Variants in NRG3 observed in about 807,000 individuals in gnomAD.
The protein encoded by NRG3 is neuregulin 3.
Under a neutral mutation model 66.9 loss-of-function variants are expected in NRG3, and 31 were observed. The observed-to-expected ratio is 0.46, with a 90% CI of 0.35 to 0.63. The LOEUF is 0.63. Ranked by LOEUF, NRG3 falls within the 20% of genes least tolerant of loss-of-function variation. The probability of loss-of-function intolerance (pLI) is 0.00; values close to 1 mark genes in which losing one functional copy is unlikely to be tolerated. For missense variants in NRG3, 910 were observed against 878.9 expected, an observed-to-expected ratio of 1.04 and a Z score of -0.45; for synonymous variants, 393 against 359.4, an observed-to-expected ratio of 1.09 and a Z score of -1.06.
chr10:82,119,066 G>A (rs2067910446), intron 1 of NRG3, among the ~76,000 whole-genome samples: 2 of 152,250 alleles, frequency 1.3e-5, no homozygotes, highest in South Asian at 4.1e-4. Flanking sequence ...GAGGTACAAA[G>A]TGATGTTTGA....
intron 6 of NRG3, among the ~76,000 whole-genome samples, chr10:82,972,415 G>A (rs555369823): frequency 3.9e-5 from 6 of 152,090 alleles, no homozygotes; most frequent in Non-Finnish European, 5.9e-5. Context: ...TTACTTTCAA[G>A]CATTAATTTT....
At chr10:82,328,436 A>G (rs1004610288) in intron 1 of NRG3, among the ~76,000 whole-genome samples, 4 of 152,192 alleles carry the variant, frequency 2.6e-5, no homozygotes, top group African/African-American at 7.2e-5. Flanking sequence ...TTTCGATACT[A>G]TGCAATGTGT....
chr10:82,430,873 T>C (rs909076258), intron 2 of NRG3, among the ~76,000 whole-genome samples: 4 of 152,160 alleles, frequency 2.6e-5, no homozygotes, highest in Non-Finnish European at 5.9e-5. Context: ...CTTCAATCTT[T>C]GGCTGTTTAC....
At chr10:82,220,177 G>T (rs2434064) in intron 1 of NRG3, among the ~76,000 whole-genome samples, 16,841 of 141,810 alleles carry the variant, frequency 0.12, 1,040 homozygotes, top group African/African-American at 0.2. Context: ...ATGTGGGCAT[G>T]TATCTTTACT....
At chr10:82,351,140 C>T (rs192601142) in intron 1 of NRG3, among the ~76,000 whole-genome samples, 2,724 of 152,140 alleles carry the variant, frequency 0.018, 69 homozygotes, top group Admixed American at 0.072. Context: ...GAGATCTGCC[C>T]GCCTCGGCCT....
intron 4 of NRG3, among the ~76,000 whole-genome samples, chr10:82,899,599 T>C (rs1844010789): frequency 6.6e-6 from 1 of 152,242 alleles, no homozygotes; most frequent in African/African-American, 2.4e-5. Flanking sequence ...CATGGAAGCA[T>C]ATTTAGTAAT....
intron 2 of NRG3, among the ~76,000 whole-genome samples, chr10:82,665,910 T>C (rs2052739195): frequency 6.6e-6 from 1 of 152,260 alleles, no homozygotes; most frequent in Admixed American, 6.5e-5. Flanking sequence ...TTGCACAGGA[T>C]GAGTACAGTG....
chr10:82,183,712 C>T (rs1156487773), intron 1 of NRG3, among the ~76,000 whole-genome samples: 1 of 152,030 alleles, frequency 6.6e-6, no homozygotes, highest in Non-Finnish European at 1.5e-5. Context: ...TTTTGGTTGC[C>T]ATGACTGGGG....
chr10:82,509,409 GTTACA>G (rs2132428152), intron 2 of NRG3, among the ~76,000 whole-genome samples: 1 of 152,194 alleles, frequency 6.6e-6, no homozygotes, highest in South Asian at 2.1e-4. Context: ...TCTGATGTGA[GTTACA>G]TTACAAGAGA....
At chr10:82,484,204 T>A (rs538385516) in intron 2 of NRG3, among the ~76,000 whole-genome samples, 2 of 152,220 alleles carry the variant, frequency 1.3e-5, no homozygotes, top group African/African-American at 4.8e-5. Context: ...AATCCCTGTT[T>A]TTCATTCCTG....
chr10:82,730,445 A>G (rs2057843515), intron 2 of NRG3, among the ~76,000 whole-genome samples: 1 of 152,228 alleles, frequency 6.6e-6, no homozygotes, highest in African/African-American at 2.4e-5. Context: ...TCAGAGTGAC[A>G]TTTTAAGCAA....
At chr10:82,402,481 G>T (rs551923941) in intron 2 of NRG3, among the ~76,000 whole-genome samples, 2 of 152,286 alleles carry the variant, frequency 1.3e-5, no homozygotes, top group South Asian at 4.1e-4. Flanking sequence ...TGCTCAAGCA[G>T]GTTCCTCAGG....
chr10:82,662,788 C>G lies in NRG3; in HGVS notation c.954-75789C>G, dbSNP rs541150030. ...CATCTCTCCCTCAAATAATTAGAAC[C>G]TGAGGTAAGAGTCAACAGCAGGTAT... On this transcript the variant is annotated intron_variant, in intron 2 of 8. Coordinates refer to ENST00000372141, the MANE Select transcript of NRG3 (RefSeq NM_001010848.4). Among the ~76,000 whole-genome samples the G allele has an allele frequency of 3.3e-5, 5 of 152,234 alleles. No individual in the cohort carries two copies. In the East Asian group the frequency reaches 9.7e-4, roughly 30 times the overall value.
At chr10:82,159,583 G>A (rs1327218667) in intron 1 of NRG3, among the ~76,000 whole-genome samples, 3 of 151,784 alleles carry the variant, frequency 2.0e-5, no homozygotes, top group Non-Finnish European at 4.4e-5. Context: ...TCTTTATACA[G>A]AATATTTTAA....
At chr10:82,047,450 A>G (rs2063355046) in intron 1 of NRG3, among the ~76,000 whole-genome samples, 1 of 152,146 alleles carries the variant, frequency 6.6e-6, no homozygotes, top group Non-Finnish European at 1.5e-5. Context: ...AATATTCAAC[A>G]TTCTTAAAGG....
intron 1 of NRG3, among the ~76,000 whole-genome samples, chr10:82,000,533 T>A (rs936666939): frequency 6.6e-6 from 1 of 152,174 alleles, no homozygotes; most frequent in Non-Finnish European, 1.5e-5. Flanking sequence ...TATCTTTCCA[T>A]CATAGCCCAT....
At chr10:82,325,477 C>T (rs894992244) in intron 1 of NRG3, among the ~76,000 whole-genome samples, 1 of 152,032 alleles carries the variant, frequency 6.6e-6, no homozygotes, top group African/African-American at 2.4e-5. Flanking sequence ...TGTAATTACT[C>T]CAGCTTTCTT....
intron 2 of NRG3, among the ~76,000 whole-genome samples, chr10:82,360,868 A>G (rs140945404): frequency 0.13 from 19,110 of 151,202 alleles, 2,232 homozygotes; most frequent in African/African-American, 0.3. Context: ...TCCCTCCTTG[A>G]CTTATAGATG....
At chr10:82,586,971 G>A (rs2046712424) in intron 2 of NRG3, among the ~76,000 whole-genome samples, 1 of 152,004 alleles carries the variant, frequency 6.6e-6, no homozygotes, top group Admixed American at 6.6e-5. Flanking sequence ...TTTTTTAAAT[G>A]ATACTGAAAT....
Sources: allele counts gnomAD v4.1 joint callset (sites outside exome capture counted in the v4.1 genomes callset), GRCh38; gene constraint gnomAD v4.1.1; transcripts MANE v1.5; gene names NCBI Gene and HGNC (gene_info 2026-07-23, HGNC 2026-07-21).